The following ZNF883 variants were observed in gnomAD, a reference collection of about 807,000 sequenced individuals.
ZNF883 encodes zinc finger protein 883.
chr9:113,004,292 A>C (rs1828454497), intron 2 of ZNF883, among the ~76,000 whole-genome samples: 1 of 152,242 alleles, frequency 6.6e-6, no homozygotes, highest in East Asian at 1.9e-4. Context: ...ACTGTGAGAT[A>C]ATAAATTTAT....
At chr9:112,989,553 G>C (rs1214955581) in intron 1 of ZNF883, among the ~76,000 whole-genome samples, 1 of 152,168 alleles carries the variant, frequency 6.6e-6, no homozygotes, top group Non-Finnish European at 1.5e-5. Context: ...GTTGGGTAGT[G>C]TGATGCCTCC....
chr9:112,992,880 TC>T (rs1178874260), downstream of ZNF883, among the ~76,000 whole-genome samples: 1 of 152,252 alleles, frequency 6.6e-6, no homozygotes, highest in African/African-American at 2.4e-5. Flanking sequence ...ACTTGTGGCT[TC>T]ATTGTGAGGT....
chr9:112,989,325 T>C (rs1807592795), intron 1 of ZNF883, among the ~76,000 whole-genome samples: 1 of 152,098 alleles, frequency 6.6e-6, no homozygotes, highest in Non-Finnish European at 1.5e-5. Context: ...GGGTCCAGTT[T>C]CAATTTTCTG....
chr9:113,002,407 T>C (rs1223522648), upstream of ZNF883, among the ~76,000 whole-genome samples: 2 of 149,520 alleles, frequency 1.3e-5, no homozygotes, highest in Non-Finnish European at 3.0e-5. Context: ...GATCAGAGAG[T>C]AGAAAAATGA....
chr9:113,001,193 A>C (rs1258610719), upstream of ZNF883, among the ~76,000 whole-genome samples: 4 of 152,286 alleles, frequency 2.6e-5, no homozygotes, highest in Middle Eastern at 3.4e-3. Context: ...TATTAGCTAC[A>C]AGTCTGAAAC....
chr9:112,999,955 C>G (rs1158499984), upstream of ZNF883: 4 of 152,070 alleles, frequency 2.6e-5, no homozygotes, highest in African/African-American at 4.8e-5. Flanking sequence ...TGATCAGATC[C>G]ACTATTGAGG....
chr9:112,993,215 C>T (rs1021980986), downstream of ZNF883, among the ~76,000 whole-genome samples: 2 of 152,176 alleles, frequency 1.3e-5, no homozygotes, highest in African/African-American at 2.4e-5. Flanking sequence ...ATGAGTTTAT[C>T]TAGCTTTGAT....
intron 2 of ZNF883, among the ~76,000 whole-genome samples, chr9:113,004,019 T>C (rs1409504282): frequency 1.3e-5 from 2 of 152,194 alleles, no homozygotes; most frequent in African/African-American, 2.4e-5. Context: ...TAAGGTGAGT[T>C]CACACTGGAA....
downstream of ZNF883, among the ~76,000 whole-genome samples, chr9:112,992,771 T>A (rs1828314481): frequency 6.6e-6 from 1 of 152,206 alleles, no homozygotes; most frequent in Non-Finnish European, 1.5e-5. Context: ...TGTTAATTCC[T>A]TTTCATTCTT....
chr9:112,995,566 CTTCT>C (rs1273966934), downstream of ZNF883, among the ~76,000 whole-genome samples: 6 of 149,228 alleles, frequency 4.0e-5, no homozygotes, highest in African/African-American at 1.5e-4. Context: ...CCTTCTCTTC[CTTCT>C]CTCTTTCTTC....
exon 1 of ZNF883, chr9:112,998,216 C>T: frequency 1.2e-6 from 2 of 1,613,044 alleles, no homozygotes; most frequent in Non-Finnish European, 1.7e-6. Context: ...ACATTCAGTA[C>T]AGAGATATGG....
chr9:112,997,712 C>T (rs773200387), exon 1 of ZNF883: 1 of 1,613,690 alleles, frequency 6.2e-7, no homozygotes, highest in South Asian at 1.1e-5. Flanking sequence ...ACATTGCTTA[C>T]ACTGGTAGGA....
chr9:112,996,983 TC>T (rs1313020678), downstream of ZNF883: 17 of 745,080 alleles, frequency 2.3e-5, no homozygotes, highest in African/African-American at 3.5e-5. Context: ...GTCCTTCTTC[TC>T]AGTACAAATA....
chr9:113,009,492 A>G (rs893058530), intron 2 of ZNF883, among the ~76,000 whole-genome samples: 4 of 149,496 alleles, frequency 2.7e-5, no homozygotes, highest in Admixed American at 2.7e-4. Flanking sequence ...CCCCTCCCCA[A>G]GTATCTACAA....
intron 2 of ZNF883, among the ~76,000 whole-genome samples, chr9:113,004,607 G>A (rs1372026794): frequency 8.6e-5 from 13 of 151,852 alleles, no homozygotes; most frequent in Admixed American, 7.9e-4. Context: ...AAACCAGGAA[G>A]AGGGCTTTCA....
downstream of ZNF883, among the ~76,000 whole-genome samples, chr9:112,996,224 T>C (rs1346900692): frequency 1.3e-5 from 2 of 152,206 alleles, no homozygotes; most frequent in Non-Finnish European, 2.9e-5. Flanking sequence ...GGCCTGAATA[T>C]TTCCCTCTGA....
At chr9:112,998,220 G>A in exon 1 of ZNF883, 2 of 1,611,926 alleles carry the variant, frequency 1.2e-6, no homozygotes. Flanking sequence ...TCAGTACAGA[G>A]ATATGGGTTC....
chr9:113,006,191 AG>A (rs1171794082), intron 2 of ZNF883, among the ~76,000 whole-genome samples: 1 of 152,126 alleles, frequency 6.6e-6, no homozygotes, highest in Admixed American at 6.5e-5. Context: ...ATAATATATT[AG>A]CATGCTAAAA....
At chr9:112,998,798 C>T (rs567165543), upstream of ZNF883, 2 of 152,280 alleles carry the variant, frequency 1.3e-5, no homozygotes, top group South Asian at 4.1e-4. Context: ...ATGTATCCCC[C>T]ATGAATAAGT....
Sources: gnomAD v4.1 joint callset for allele counts (sites outside exome capture counted in the v4.1 genomes callset) on GRCh38, gnomAD v4.1.1 for gene constraint, MANE v1.5 for transcripts, NCBI Gene and HGNC (gene_info 2026-07-23, HGNC 2026-07-21) for gene names.